GSTCD: variants seen among roughly 807,000 people sequenced by gnomAD.
GSTCD encodes the protein glutathione S-transferase C-terminal domain-containing protein.
GSTCD carries 44 observed loss-of-function variants against 68.3 expected under a neutral mutation model. That is an observed-to-expected ratio of 0.64 (90% CI 0.51 to 0.83). The LOEUF (loss-of-function observed/expected upper bound fraction) is 0.83, where lower values mean the gene tolerates loss of function less well. Ranked by LOEUF, GSTCD falls within the 40% of genes least tolerant of loss-of-function variation. The pLI is 0.00. For missense variants in GSTCD, 739 were observed against 735.9 expected (o/e 1.00, Z -0.05); for synonymous variants, 273 against 255.2 (o/e 1.07, Z -0.67).
At chr4:105,746,881 C>T (rs1424499802) in intron 5 of GSTCD, among the ~76,000 whole-genome samples, 3 of 152,092 alleles carry the variant, frequency 2.0e-5, no homozygotes, top group Non-Finnish European at 2.9e-5. Context: ...AAATTGGCTT[C>T]AATAAAAAGT....
rs186673450 is a variant in GSTCD at position 105,726,047 on chromosome 4, G to A, written c.895-532G>A. ...TTGACTCTTGGATTTTCAAAGAAAT[G>A]AAACACAGTGCCACATAAACACTGC... On this transcript the variant is annotated intron_variant, in intron 3 of 11. Coordinates refer to ENST00000515279, the MANE Select transcript of GSTCD (RefSeq NM_001370181.1). Among the ~76,000 whole-genome samples the A allele has an allele frequency of 9.0e-3, 1,358 of 151,396 alleles. 19 individuals are homozygous for A. The highest frequency in any genetic ancestry group is 0.029 in the African/African-American group (1,209 of 41,454).
intron 5 of GSTCD, among the ~76,000 whole-genome samples, chr4:105,758,142 C>G (rs1295310680): frequency 2.0e-5 from 3 of 152,126 alleles, no homozygotes; most frequent in Non-Finnish European, 4.4e-5. Flanking sequence ...TCCATAATAC[C>G]TCACCAAACA....
In GSTCD at chr4:105,766,887, CTTTT is replaced by C; in HGVS notation, c.1240+37410_1240+37413del. 1.1e-3 allele frequency among the ~76,000 whole-genome samples: 63 copies of C among 57,132 alleles called. 1 individual carries two copies. The highest frequency in any genetic ancestry group is 3.6e-3 in the African/African-American group (45 of 12,440). The allele number at this position is 57,132 out of a possible 152,430, so 37.5% of individuals were successfully genotyped here. On this transcript the variant is annotated intron_variant, in intron 5 of 11. Coordinates refer to ENST00000515279, the MANE Select transcript of GSTCD (RefSeq NM_001370181.1). ...CAAAAGCATGAATAGGTTTTTGACT[CTTTT>C]TTTTTTTTTTTTTTTTTTTTTACCA...
intron 5 of GSTCD, among the ~76,000 whole-genome samples, chr4:105,803,513 A>T (rs925560000): frequency 2.6e-5 from 4 of 152,120 alleles, no homozygotes; most frequent in Non-Finnish European, 5.9e-5. Flanking sequence ...CATTAAGAAA[A>T]GATGAAATTA....
chr4:105,746,186 T>C (rs1446037018), intron 5 of GSTCD: 1 of 152,162 alleles, frequency 6.6e-6, no homozygotes, highest in Non-Finnish European at 1.5e-5. Context: ...TTGACACATA[T>C]TTTATATGTT....
intron 5 of GSTCD, among the ~76,000 whole-genome samples, chr4:105,802,340 G>A (rs2544422): frequency 0.97 from 147,003 of 152,156 alleles, 71,020 homozygotes; most frequent in East Asian, 1. Context: ...TCTGAGGCCA[G>A]CCTCTTTTCT....
intron 8 of GSTCD, 54 bp downstream of exon 8, chr4:105,825,854 A>C: frequency 8.9e-7 from 1 of 1,128,494 alleles, no homozygotes; most frequent in South Asian, 1.4e-5. Flanking sequence ...GAAAAATTAC[A>C]TGCCTTAGAG....
intron 9 of GSTCD, among the ~76,000 whole-genome samples, chr4:105,837,421 C>T (rs1186913441): frequency 6.6e-6 from 1 of 152,190 alleles, no homozygotes; most frequent in Admixed American, 6.5e-5. Context: ...GAAACCGCCT[C>T]CTGACCTATA....
In GSTCD at chr4:105,719,484, C is replaced by G. The variant is rs1057262212; in HGVS notation, c.851C>G (p.Thr284Ser). 6.2e-6 allele frequency: 10 copies of G among 1,613,970 alleles called. No individual in the cohort carries two copies. Among genetic ancestry groups the G allele is most frequent in the Admixed American group, 3.3e-5 (2 of 59,974 alleles). ...GTGTTTGCAGAAGGGCTTTACTTCA[C>G]TCTGGCAGATATTGTGCTCTTGCCC... ...EHVFAEGLYF[T>S]LADIVLLPCI... is the part of the protein sequence containing the mutation. Residue 284 changes from threonine to serine, a missense_variant, in exon 3 of 12, where the codon ACT (threonine) becomes AGT (serine). Thr to Ser is a moderately conservative substitution (Grantham distance 58). Coordinates refer to ENST00000515279, the MANE Select transcript of GSTCD (RefSeq NM_001370181.1).
At chr4:105,766,883 G>C (rs1734626817) in intron 5 of GSTCD, among the ~76,000 whole-genome samples, 1 of 44,734 alleles carries the variant, frequency 2.2e-5, no homozygotes, top group East Asian at 9.2e-4. Context: ...ATAGGTTTTT[G>C]ACTCTTTTTT....
At chr4:105,756,387 T>TC (rs1183566816) in intron 5 of GSTCD, among the ~76,000 whole-genome samples, 2 of 151,758 alleles carry the variant, frequency 1.3e-5, no homozygotes, top group African/African-American at 4.8e-5. Flanking sequence ...TGTTCAGAAG[T>TC]CCACCCAAGA....
At chr4:105,806,162 T>C (rs1411668655) in intron 5 of GSTCD, among the ~76,000 whole-genome samples, 1 of 152,092 alleles carries the variant, frequency 6.6e-6, no homozygotes, top group African/African-American at 2.4e-5. Flanking sequence ...ACAGTTGGTA[T>C]AGAGTTGAAT....
intron 5 of GSTCD, among the ~76,000 whole-genome samples, chr4:105,755,996 A>G (rs2149231253): frequency 6.6e-6 from 1 of 152,336 alleles, no homozygotes; most frequent in Admixed American, 6.5e-5. Flanking sequence ...CTAAGGTTCA[A>G]CTAATTTTCA....
intron 5 of GSTCD, among the ~76,000 whole-genome samples, chr4:105,765,205 T>C (rs547644943): frequency 6.6e-6 from 1 of 152,300 alleles, no homozygotes; most frequent in South Asian, 2.1e-4. Context: ...TAATTAATAA[T>C]AGTCATGACC....
chr4:105,825,862 G>C, intron 8 of GSTCD, 62 bp downstream of exon 8: 1 of 996,568 alleles, frequency 1.0e-6, no homozygotes, highest in Non-Finnish European at 1.5e-6. Context: ...ACATGCCTTA[G>C]AGTAAATAAA....
In GSTCD at chr4:105,719,210, G is replaced by A; in HGVS notation, c.577G>A (p.Asp193Asn). 1.9e-6 allele frequency: 3 copies of A among 1,614,052 alleles called. No homozygotes were observed. The highest frequency in any genetic ancestry group is 2.5e-6 in the Non-Finnish European group (3 of 1,180,002). ...LSEPVRVHND[D>N]KLRRQKLKQQ... Reference sequence around the variant, plus strand: ...TGAGCCTGTTAGAGTGCATAATGATGATAAACTCCGCAGGCAGAAGCTCAA... The same window carrying A: ...TGAGCCTGTTAGAGTGCATAATGATAATAAACTCCGCAGGCAGAAGCTCAA... Residue 193 changes from aspartate to asparagine, a missense_variant, in exon 3 of 12, where the codon GAT becomes AAT. Physicochemically the swap from Asp to Asn is conservative, Grantham distance 23. Transcript: ENST00000515279.
At chr4:105,736,031 TG>T (rs1377145550) in intron 5 of GSTCD, among the ~76,000 whole-genome samples, 2 of 151,434 alleles carry the variant, frequency 1.3e-5, no homozygotes, top group Non-Finnish European at 3.0e-5. Flanking sequence ...ATTGTTTTAT[TG>T]TTTGGTTTTA....
rs1732722054 is a variant in GSTCD at position 105,717,645 on chromosome 4, A to G, written c.32A>G (p.Glu11Gly). Residue 11 changes from glutamate (E) to glycine (G), a missense_variant, in exon 2 of 12, where the codon GAA (glutamate) becomes GGA (glycine). Glu to Gly is a moderately conservative substitution (Grantham distance 98). Coordinates refer to ENST00000515279, the MANE Select transcript of GSTCD (RefSeq NM_001370181.1). MKAIKKSLTE[E>G]EYLYLDFSHQ... ...GCCATAAAGAAAAGTCTTACAGAAG[A>G]AGAATACCTGTACCTGGACTTTTCT... 1.9e-6 allele frequency: 3 copies of G among 1,584,082 alleles called. No individual in the cohort carries two copies. In the Admixed American group the frequency reaches 5.7e-5, roughly 30 times the overall value.
At chr4:105,814,752 C>T (rs1040326187) in intron 5 of GSTCD, among the ~76,000 whole-genome samples, 1 of 152,208 alleles carries the variant, frequency 6.6e-6, no homozygotes, top group Non-Finnish European at 1.5e-5. Flanking sequence ...GATCACTGTT[C>T]CCACCCCATC....
Sources: gnomAD v4.1 joint callset for allele counts (sites outside exome capture counted in the v4.1 genomes callset) on GRCh38, gnomAD v4.1.1 for gene constraint, MANE v1.5 for transcripts, NCBI Gene and HGNC (gene_info 2026-07-23, HGNC 2026-07-21) for gene names.